PABPC4L: variants seen among roughly 807,000 people sequenced by gnomAD.
PABPC4L encodes poly(A) binding protein cytoplasmic 4 like.
For synonymous variants in PABPC4L, 169 were observed against 164.1 expected (o/e 1.03, Z -0.23); for missense variants, 452 against 451.4 (o/e 1.00, Z -0.01).
At chr4:134,086,111 G>A in the PABPC4L span, among the ~76,000 whole-genome samples, 1 of 151,394 alleles carries the variant, frequency 6.6e-6, no homozygotes, top group Non-Finnish European at 1.5e-5. Context: ...TGAATAAACA[G>A]TAGCATTTCA....
the PABPC4L span, among the ~76,000 whole-genome samples, chr4:133,959,517 A>G: frequency 1.3e-5 from 2 of 152,222 alleles, no homozygotes; most frequent in African/African-American, 2.4e-5. Context: ...TTGAAAACTA[A>G]AACAAGAACA....
At chr4:134,008,420 T>C in the PABPC4L span, among the ~76,000 whole-genome samples, 1 of 151,748 alleles carries the variant, frequency 6.6e-6, no homozygotes, top group Non-Finnish European at 1.5e-5. Context: ...ACTTACCTAA[T>C]GCACACAATG....
At chr4:133,968,948 T>C in the PABPC4L span, among the ~76,000 whole-genome samples, 1 of 152,302 alleles carries the variant, frequency 6.6e-6, no homozygotes, top group South Asian at 2.1e-4. Flanking sequence ...GGCAAAATCC[T>C]AACTCAAACT....
At chr4:134,153,351 A>ATG in the PABPC4L span, among the ~76,000 whole-genome samples, 1 of 151,848 alleles carries the variant, frequency 6.6e-6, no homozygotes, top group African/African-American at 2.4e-5. Flanking sequence ...TTTTTGAAGT[A>ATG]TGTGTGTATA....
chr4:134,008,459 T>TAA, the PABPC4L span, among the ~76,000 whole-genome samples: 1 of 150,498 alleles, frequency 6.6e-6, no homozygotes, highest in African/African-American at 2.4e-5. Flanking sequence ...AAGAAAGTAT[T>TAA]AAAAAAAAAC....
At chr4:134,026,717 A>AGTGAGGTCATTAGC in the PABPC4L span, among the ~76,000 whole-genome samples, 4 of 152,178 alleles carry the variant, frequency 2.6e-5, no homozygotes, top group Admixed American at 2.6e-4. Flanking sequence ...ATGAAGTTAA[A>AGTGAGGTCATTAGC]GTGAGGTCAT....
chr4:134,123,615 G>T, the PABPC4L span, among the ~76,000 whole-genome samples: 1 of 151,854 alleles, frequency 6.6e-6, no homozygotes, highest in African/African-American at 2.4e-5. Flanking sequence ...GACTATACAG[G>T]AATTCCTGTT....
chr4:134,172,695 TA>T, the PABPC4L span, among the ~76,000 whole-genome samples: 5 of 151,526 alleles, frequency 3.3e-5, no homozygotes, highest in East Asian at 7.7e-4. Context: ...TTCTGCACAG[TA>T]AAAAAAACTA....
chr4:134,105,839 T>G, the PABPC4L span, among the ~76,000 whole-genome samples: 1 of 151,852 alleles, frequency 6.6e-6, no homozygotes, highest in African/African-American at 2.4e-5. Context: ...AAGAAAATTA[T>G]GTGATTCATG....
the PABPC4L span, among the ~76,000 whole-genome samples, chr4:134,103,678 C>A: frequency 2.0e-5 from 3 of 151,640 alleles, no homozygotes; most frequent in Non-Finnish European, 4.4e-5. Context: ...CAGACTGTAA[C>A]AAGTAGATAA....
Position 134,199,984 on chromosome 4 carries a change from T to A in PABPC4L, c.1036A>T (p.Thr346Ser). The change falls in exon 2 of 2, where the codon ACT (threonine) becomes TCT (serine). Residue 346 changes from threonine to serine, a missense_variant. Coordinates refer to ENST00000421491, the MANE Select transcript of PABPC4L (RefSeq NM_001114734.2). ...CCATTCATCTCAGTCATTGCTTTAGTAGCATCCTCAGGAGAGGAGAAGCAG... is the reference window on the plus strand; with the variant it reads ...CCATTCATCTCAGTCATTGCTTTAGAAGCATCCTCAGGAGAGGAGAAGCAG... ...LICFSSPEDA[T>S]KAMTEMNGRI... 1 of 1,551,676 alleles carries A rather than the reference T, an allele frequency of 6.4e-7. No individual in the cohort carries two copies. The highest frequency in any genetic ancestry group is 2.0e-5 in the Admixed American group (1 of 50,990).
chr4:133,976,163 G>T, the PABPC4L span, among the ~76,000 whole-genome samples: 1 of 151,964 alleles, frequency 6.6e-6, no homozygotes, highest in African/African-American at 2.4e-5. Context: ...GGGTCCATAT[G>T]TTCTCATTGT....
At chr4:133,954,954 T>A in the PABPC4L span, among the ~76,000 whole-genome samples, 2 of 152,126 alleles carry the variant, frequency 1.3e-5, no homozygotes, top group Admixed American at 6.5e-5. Flanking sequence ...CTGCATCAAA[T>A]TCAAGTTTCC....
the PABPC4L span, among the ~76,000 whole-genome samples, chr4:134,000,475 T>C: frequency 1.3e-5 from 2 of 152,144 alleles, no homozygotes; most frequent in African/African-American, 4.8e-5. Context: ...TCTGGCAATA[T>C]AAAAAGTTAG....
the PABPC4L span, among the ~76,000 whole-genome samples, chr4:133,964,415 T>C: frequency 1.3e-5 from 2 of 151,972 alleles, no homozygotes; most frequent in African/African-American, 4.8e-5. Flanking sequence ...ACCAATCCTA[T>C]TGACACTATT....
the PABPC4L span, among the ~76,000 whole-genome samples, chr4:133,962,248 C>T: frequency 1.3e-5 from 2 of 152,202 alleles, no homozygotes; most frequent in East Asian, 3.9e-4. Flanking sequence ...AAAAATCACA[C>T]TAGCTCACTA....
At chr4:134,078,711 G>A in the PABPC4L span, among the ~76,000 whole-genome samples, 1 of 151,232 alleles carries the variant, frequency 6.6e-6, no homozygotes, top group Non-Finnish European at 1.5e-5. Context: ...GACTGCAATG[G>A]GGCGATCTCA....
the PABPC4L span, among the ~76,000 whole-genome samples, chr4:134,114,288 GATAAAT>G: frequency 5.9e-5 from 9 of 151,720 alleles, no homozygotes; most frequent in African/African-American, 2.2e-4. Flanking sequence ...TTCAAGGCAT[GATAAAT>G]ATAAATACTG....
chr4:134,150,094 T>TC, the PABPC4L span, among the ~76,000 whole-genome samples: 1 of 151,196 alleles, frequency 6.6e-6, no homozygotes, highest in Admixed American at 6.6e-5. Flanking sequence ...TGTCTTTTTT[T>TC]TTTTTTGAGA....
Sources: allele counts gnomAD v4.1 joint callset (sites outside exome capture counted in the v4.1 genomes callset), GRCh38; gene constraint gnomAD v4.1.1; transcripts MANE v1.5; gene names NCBI Gene and HGNC (gene_info 2026-07-23, HGNC 2026-07-21).